The following QTGAL variants were observed in gnomAD, a reference collection of about 807,000 sequenced individuals.
QTGAL encodes the protein queuosine-tRNA galactosyltransferase.
chr17:82,964,028 C>CA, the QTGAL span, among the ~76,000 whole-genome samples: 1 of 139,586 alleles, frequency 7.2e-6, no homozygotes, highest in African/African-American at 2.6e-5. Context: ...AGGCTGAGGT[C>CA]GGGGGGGTGG....
the QTGAL span, among the ~76,000 whole-genome samples, chr17:82,992,298 A>C: frequency 1.3e-5 from 2 of 152,192 alleles, no homozygotes; most frequent in Admixed American, 1.3e-4. Context: ...GGACCCTACA[A>C]GCAGCAAGAG....
the QTGAL span, among the ~76,000 whole-genome samples, chr17:82,967,371 AAC>A: frequency 6.6e-6 from 1 of 152,178 alleles, no homozygotes; most frequent in African/African-American, 2.4e-5. Flanking sequence ...ACCATCGTGT[AAC>A]ACAGCCTCGT....
the QTGAL span, among the ~76,000 whole-genome samples, chr17:82,973,802 C>T: frequency 1.3e-5 from 2 of 152,328 alleles, no homozygotes; most frequent in South Asian, 4.1e-4. Context: ...AGAGGTGACC[C>T]AAAGGGGATG....
At chr17:83,005,610 C>G in the QTGAL span, 3 of 702,648 alleles carry the variant, frequency 4.3e-6, no homozygotes, top group African/African-American at 1.7e-5. This position sits in a 1 kb window ranked among gnomAD's most constrained non-coding sequence, Gnocchi z 5.6. Flanking sequence ...GTGAGGAAAC[C>G]GCTGCCTGTC....
At chr17:82,947,042 G>T in the QTGAL span, 1 of 1,454,396 alleles carries the variant, frequency 6.9e-7, no homozygotes, top group East Asian at 2.5e-5. Flanking sequence ...GGCCACTGTG[G>T]AGCCTCCTCC....
chr17:83,044,638 A>G, the QTGAL span, among the ~76,000 whole-genome samples: 136 of 152,306 alleles, frequency 8.9e-4, no homozygotes, highest in African/African-American at 3.2e-3. Context: ...GGAAGCACCA[A>G]CCAGAGCGAT....
At chr17:82,950,760 G>A in the QTGAL span, among the ~76,000 whole-genome samples, 857 of 152,308 alleles carry the variant, frequency 5.6e-3, 3 homozygotes, top group Middle Eastern at 0.02. Context: ...CAGAGCTCCT[G>A]GGTGACCAGG....
At chr17:82,944,769 C>T in the QTGAL span, 2 of 152,152 alleles carry the variant, frequency 1.3e-5, no homozygotes, top group Non-Finnish European at 2.9e-5. Context: ...CCTTGGAGAT[C>T]CTGAGGGTTT....
chr17:82,996,198 C>G, the QTGAL span, among the ~76,000 whole-genome samples: 1 of 152,196 alleles, frequency 6.6e-6, no homozygotes, highest in Non-Finnish European at 1.5e-5. Context: ...AATGCAATCC[C>G]TATCAAAATA....
At chr17:82,968,890 T>C in the QTGAL span, among the ~76,000 whole-genome samples, 4 of 151,938 alleles carry the variant, frequency 2.6e-5, no homozygotes, top group African/African-American at 9.7e-5. Context: ...TCCCAGCACT[T>C]TGGGAGGCTG....
chr17:82,977,158 T>C, the QTGAL span, among the ~76,000 whole-genome samples: 1 of 152,246 alleles, frequency 6.6e-6, no homozygotes, highest in South Asian at 2.1e-4. Flanking sequence ...GGGAAACGTA[T>C]TCTCTATTAG....
the QTGAL span, among the ~76,000 whole-genome samples, chr17:83,039,221 C>T: frequency 4.8e-4 from 73 of 151,398 alleles, 2 homozygotes; most frequent in Non-Finnish European, 8.0e-4. Context: ...GCCCGCCGCC[C>T]GCCCCTGTTC....
chr17:82,965,564 C>A, the QTGAL span: 2 of 1,326,166 alleles, frequency 1.5e-6, no homozygotes, highest in Non-Finnish European at 2.1e-6. Flanking sequence ...CATGGCAAGG[C>A]GGAGGGTGGC....
the QTGAL span, among the ~76,000 whole-genome samples, chr17:83,033,719 C>T: frequency 1.3e-5 from 2 of 152,136 alleles, no homozygotes; most frequent in Non-Finnish European, 2.9e-5. Context: ...GATCCACCCG[C>T]CTCGGCCTCC....
chr17:82,957,356 C>G, the QTGAL span: 9,361 of 1,613,338 alleles, frequency 5.8e-3, 434 homozygotes, highest in African/African-American at 0.1. Flanking sequence ...GCAGGATGCT[C>G]ACCTTGCGCT....
At chr17:82,992,797 A>G in the QTGAL span, among the ~76,000 whole-genome samples, 7 of 152,206 alleles carry the variant, frequency 4.6e-5, no homozygotes, top group Non-Finnish European at 8.8e-5. Flanking sequence ...AGAAACAACA[A>G]AAAGTTAAAA....
chr17:82,983,546 G>A, the QTGAL span, among the ~76,000 whole-genome samples: 3 of 152,200 alleles, frequency 2.0e-5, no homozygotes, highest in Non-Finnish European at 4.4e-5. Context: ...ACTACGAAGA[G>A]TGGGTCTCAT....
At chr17:82,960,196 C>G in the QTGAL span, among the ~76,000 whole-genome samples, 1 of 152,162 alleles carries the variant, frequency 6.6e-6, no homozygotes, top group Non-Finnish European at 1.5e-5. Flanking sequence ...GCCCTCCTGC[C>G]AACCCCCCAG....
the QTGAL span, among the ~76,000 whole-genome samples, chr17:83,019,408 T>C: frequency 9.8e-5 from 15 of 152,364 alleles, no homozygotes; most frequent in Non-Finnish European, 2.2e-4. Context: ...ATGCAAGTTG[T>C]ATTTAAAAAA....
Sources: allele counts gnomAD v4.1 joint callset (sites outside exome capture counted in the v4.1 genomes callset), GRCh38; gene constraint gnomAD v4.1.1; non-coding constraint Gnocchi (gnomAD v3.1); transcripts MANE v1.5; gene names NCBI Gene and HGNC (gene_info 2026-07-23, HGNC 2026-07-21).